Variants in INTS4 observed in about 807,000 individuals in gnomAD.
The protein encoded by INTS4 is integrator complex subunit 4.
In INTS4, 70 loss-of-function variants were observed where a neutral mutation model predicts 119.5. That is an observed-to-expected ratio of 0.59 (90% CI 0.48 to 0.71). The LOEUF is 0.71. INTS4 is among the 30% of genes least tolerant of loss of function. The pLI, the probability that INTS4 is intolerant of heterozygous loss-of-function variation, is 0.00. For missense variants in INTS4, 867 were observed against 1,173.2 expected (o/e 0.74, Z 3.81); for synonymous variants, 316 against 419.6 (o/e 0.75, Z 3.02).
chr11:77,963,680 T>C (rs1358587708), intron 4 of INTS4, among the ~76,000 whole-genome samples: 1 of 152,104 alleles, frequency 6.6e-6, no homozygotes, highest in East Asian at 1.9e-4. Context: ...TCAGCATCGA[T>C]ATGGATTTTT....
In INTS4 at chr11:77,907,716, C is replaced by T; in HGVS notation, c.2016+1G>A. On this transcript the variant is annotated splice_donor_variant, in intron 16 of 22. Transcript: ENST00000534064. LOFTEE classifies it high-confidence loss of function. ...CATAAATGGAATGGATGCAAACCAA[C>T]CTTGATGAGAAGTAGTTGACAGCGA... is the stretch of plus-strand genomic sequence containing the variant. The T allele has an allele frequency of 3.1e-6, 5 of 1,611,110 alleles. No homozygotes were observed. The highest frequency in any genetic ancestry group is 4.2e-6 in the Non-Finnish European group (5 of 1,177,520).
At chr11:77,887,027 C>A (rs1469671706) in intron 21 of INTS4, among the ~76,000 whole-genome samples, 1 of 151,696 alleles carries the variant, frequency 6.6e-6, no homozygotes, top group Non-Finnish European at 1.5e-5. Context: ...CCTAACATCA[C>A]AATTAAAAGA....
intron 16 of INTS4, among the ~76,000 whole-genome samples, chr11:77,907,296 A>C: frequency 6.6e-6 from 1 of 151,976 alleles, no homozygotes; most frequent in East Asian, 1.9e-4. Context: ...CTGGTCTCAA[A>C]CTCTTGAGCT....
At chr11:77,908,776 A>G (rs1249303404) in intron 15 of INTS4, among the ~76,000 whole-genome samples, 2 of 152,172 alleles carry the variant, frequency 1.3e-5, no homozygotes, top group African/African-American at 2.4e-5. Flanking sequence ...TCTCCCAACT[A>G]TGCTTTATTT....
At chr11:77,958,978 T>C in intron 6 of INTS4, 144 bp from the exon 7 acceptor site, 1 of 638,972 alleles carries the variant, frequency 1.6e-6, no homozygotes, top group South Asian at 1.8e-5. Flanking sequence ...AATCTTTGCT[T>C]AAAAATGAAT....
chr11:77,904,077 T>G (rs1221819756), intron 16 of INTS4, among the ~76,000 whole-genome samples: 2 of 152,204 alleles, frequency 1.3e-5, no homozygotes, highest in Admixed American at 1.3e-4. Context: ...CAACTAGAAA[T>G]CAAGCAGCTT....
At chr11:77,877,680 A>G (rs966027332), downstream of INTS4, among the ~76,000 whole-genome samples, 1 of 152,234 alleles carries the variant, frequency 6.6e-6, no homozygotes, top group African/African-American at 2.4e-5. Context: ...AATGACAGGT[A>G]AAGTACATAG....
chr11:77,908,828 G>GA (rs1429171232), intron 15 of INTS4, among the ~76,000 whole-genome samples: 5 of 140,136 alleles, frequency 3.6e-5, no homozygotes, highest in African/African-American at 1.4e-4. Context: ...TTTTGTATCA[G>GA]AAAAAAACAT....
chr11:77,994,561 G>T (rs759192289), intron 1 of INTS4, 29 bp downstream of exon 1: 8 of 1,544,796 alleles, frequency 5.2e-6, no homozygotes, highest in Non-Finnish European at 5.4e-6. Context: ...GGTCCGGATC[G>T]GTTCTGGATC....
chr11:77,960,027 C>A (rs1954427390), intron 6 of INTS4, among the ~76,000 whole-genome samples: 1 of 152,112 alleles, frequency 6.6e-6, no homozygotes, highest in African/African-American at 2.4e-5. Context: ...ACGGCCCAAC[C>A]AAACAGTGAT....
chr11:77,921,663 A>G (rs1340073593), intron 13 of INTS4, among the ~76,000 whole-genome samples, 190 bp from the exon 14 acceptor site: 1 of 152,212 alleles, frequency 6.6e-6, no homozygotes, highest in African/African-American at 2.4e-5. Flanking sequence ...GGTTTTTAAA[A>G]ATGCCAGAGA....
At chr11:77,991,607 T>A (rs1286069152) in intron 1 of INTS4, among the ~76,000 whole-genome samples, 1 of 152,004 alleles carries the variant, frequency 6.6e-6, no homozygotes, top group African/African-American at 2.4e-5. Flanking sequence ...CAGGCTGGTC[T>A]TAACTCCTGG....
intron 17 of INTS4, among the ~76,000 whole-genome samples, 174 bp from the exon 18 acceptor site, chr11:77,901,725 A>G (rs1272164135): frequency 6.6e-6 from 1 of 152,050 alleles, no homozygotes; most frequent in African/African-American, 2.4e-5. Context: ...AAGAGAATAA[A>G]TTATTTTGCC....
chr11:77,949,957 A>G (rs553425379), intron 8 of INTS4, among the ~76,000 whole-genome samples: 2 of 152,332 alleles, frequency 1.3e-5, no homozygotes, highest in East Asian at 3.9e-4. Context: ...GTAAAGACTT[A>G]GAACCAACCC....
chr11:77,964,615 T>C (rs1855413626), intron 4 of INTS4, among the ~76,000 whole-genome samples: 1 of 151,366 alleles, frequency 6.6e-6, no homozygotes, highest in African/African-American at 2.4e-5. Context: ...AAATAAAAAT[T>C]ATTATAAAGA....
At chr11:77,963,861 T>A (rs948008332) in intron 4 of INTS4, among the ~76,000 whole-genome samples, 3 of 152,164 alleles carry the variant, frequency 2.0e-5, no homozygotes, top group African/African-American at 4.8e-5. Context: ...ATTTTTAAAA[T>A]TTTTGTAGAG....
intron 4 of INTS4, chr11:77,978,013 CTAG>C (rs1320078520): frequency 6.6e-6 from 1 of 152,020 alleles, no homozygotes; most frequent in East Asian, 1.9e-4. Flanking sequence ...CTCAGCCTCC[CTAG>C]TAGCTGGGAT....
intron 2 of INTS4, among the ~76,000 whole-genome samples, chr11:77,985,582 T>A (rs1185819898): frequency 6.6e-6 from 1 of 152,188 alleles, no homozygotes; most frequent in African/African-American, 2.4e-5. Flanking sequence ...CCAGATTTCA[T>A]AAGACCTGAA....
At chr11:77,989,609 G>A (rs931527393) in intron 2 of INTS4, among the ~76,000 whole-genome samples, 1 of 152,010 alleles carries the variant, frequency 6.6e-6, no homozygotes, top group Admixed American at 6.6e-5. Context: ...CAATTTGGGG[G>A]CTGAGTGTGG....
Sources: allele counts gnomAD v4.1 joint callset (sites outside exome capture counted in the v4.1 genomes callset), GRCh38; gene constraint gnomAD v4.1.1; transcripts MANE v1.5; gene names NCBI Gene and HGNC (gene_info 2026-07-23, HGNC 2026-07-21).